Variants in BBIP1 observed in about 807,000 individuals in gnomAD.
The protein encoded by BBIP1 is BBSome interacting protein 1, also known as BBSome-interacting protein 1.
Under a neutral mutation model 8.9 loss-of-function variants are expected in BBIP1, and 6 were observed. The observed-to-expected ratio is 0.67, with a 90% confidence interval of 0.37 to 1.33. The LOEUF (loss-of-function observed/expected upper bound fraction) is 1.33. Among genes scored for constraint, BBIP1 ranks in the 40% most tolerant of loss-of-function variants. The pLI is 0.02. For synonymous variants in BBIP1, 32 were observed against 33.4 expected (o/e 0.96, Z 0.14); for missense variants, 111 against 109.2 (o/e 1.02, Z -0.07).
In BBIP1 at chr10:110,900,253, C is replaced by G. The variant is rs1198595585; in HGVS notation, c.*107G>C. 1 of 1,055,042 alleles carries G rather than the reference C, an allele frequency of 9.5e-7. No individual in the cohort carries two copies. The highest frequency in any genetic ancestry group is 1.3e-6 in the Non-Finnish European group (1 of 768,670). The allele number at this position is 1,055,042 out of a possible 1,614,324, so 65.4% of individuals were successfully genotyped here. A position where few individuals can be genotyped will look rare whatever the true frequency, so the allele number is the denominator to read the frequency against. ...ATTTTTGTATTTCTATGAATACTAT[C>G]AATTTTATTGATAACACATACTACT... On this transcript the variant is annotated 3_prime_UTR_variant, in exon 4 of 4. Transcript: ENST00000448814.
intron 2 of BBIP1, chr10:110,901,816 G>A (rs1342648057): frequency 1.8e-6 from 1 of 549,256 alleles, no homozygotes; most frequent in Non-Finnish European, 3.3e-6. Context: ...TTAGTCAGTT[G>A]TGGTGTTAAC....
chr10:110,904,346 A>C (rs757044171), intron 2 of BBIP1: 2 of 152,228 alleles, frequency 1.3e-5, no homozygotes, highest in Non-Finnish European at 1.5e-5. Context: ...TAAGGAGAGA[A>C]ACAACAGCAT....
intron 2 of BBIP1, chr10:110,905,022 C>G (rs1368348679): frequency 6.6e-6 from 1 of 152,144 alleles, no homozygotes; most frequent in East Asian, 1.9e-4. Context: ...TACACAGATT[C>G]TAAAGTTTGT....
intron 3 of BBIP1, chr10:110,901,037 G>A (rs764576145): frequency 6.5e-5 from 26 of 397,712 alleles, no homozygotes; most frequent in Admixed American, 1.2e-4. Flanking sequence ...TGTTATCCCA[G>A]CACTTTGGGA....
At chr10:110,908,493 T>C (rs1323511916) in intron 2 of BBIP1, among the ~76,000 whole-genome samples, 2 of 152,242 alleles carry the variant, frequency 1.3e-5, no homozygotes, top group African/African-American at 2.4e-5. Flanking sequence ...AGTCATCTTA[T>C]ATTGAAATTT....
chr10:110,917,732 T>C (rs990838553), intron 2 of BBIP1, among the ~76,000 whole-genome samples: 3 of 152,338 alleles, frequency 2.0e-5, no homozygotes, highest in East Asian at 1.9e-4. Flanking sequence ...ACCAAAATAA[T>C]ATCATGTGCA....
chr10:110,915,841 C>G (rs899889933), intron 2 of BBIP1, among the ~76,000 whole-genome samples: 5 of 152,118 alleles, frequency 3.3e-5, no homozygotes, highest in Non-Finnish European at 7.4e-5. Context: ...GTAGCTGGGA[C>G]TACAGGTGTG....
intron 2 of BBIP1, chr10:110,907,537 A>C (rs1846174975): frequency 4.1e-6 from 2 of 492,942 alleles, no homozygotes; most frequent in African/African-American, 4.0e-5. Context: ...AAAAGAAAAG[A>C]AAAGAAAGAA....
intron 2 of BBIP1, among the ~76,000 whole-genome samples, chr10:110,909,288 C>A (rs1301216934): frequency 6.6e-6 from 1 of 152,104 alleles, no homozygotes; most frequent in African/African-American, 2.4e-5. Context: ...ACCCCCACCT[C>A]CTGGGTTCAA....
rs1382892518 is a variant in BBIP1, at chr10:110,900,403, T to C, written c.236A>G (p.Gln79Arg). 8 of 1,535,616 alleles carry C rather than the reference T, an allele frequency of 5.2e-6. No individual in the cohort carries two copies. Among genetic ancestry groups the C allele is most frequent in the Middle Eastern group, 1.7e-4 (1 of 5,784 alleles). ...TTGATCCTTTTCTGCCATTTCTTGT[T>C]GGCGAATTGTATTCTGTGCTGCTTG... Reference protein sequence around the residue: ...MHQAAQNTIRQQEMAEKDQRQ... With the variant: ...MHQAAQNTIRRQEMAEKDQRQ... Residue 79 changes from glutamine to arginine, a missense_variant, in exon 4 of 4, where the codon CAA becomes CGA. Transcript: ENST00000448814.
intron 2 of BBIP1, among the ~76,000 whole-genome samples, chr10:110,909,965 A>T (rs1033615851): frequency 6.6e-6 from 1 of 152,228 alleles, no homozygotes; most frequent in Non-Finnish European, 1.5e-5. Context: ...GGTAAAAACC[A>T]GTTTCTTTCT....
chr10:110,918,163 C>T lies in BBIP1; in HGVS notation c.-6G>A, dbSNP rs745991843. The T allele has an allele frequency of 3.8e-5, 58 of 1,535,452 alleles. No homozygotes were observed. The South Asian group carries it at 6.7e-4, about 18-fold the overall frequency. On this transcript the variant is annotated 5_prime_UTR_variant, in exon 2 of 4. Coordinates refer to ENST00000448814, the MANE Select transcript of BBIP1 (RefSeq NM_001195305.3). ...TTTGCTGCAGCTTTAAGCATCCAACCCGGTATTACCAAGATGACTTAGAGT... is the reference window on the plus strand; with the variant it reads ...TTTGCTGCAGCTTTAAGCATCCAACTCGGTATTACCAAGATGACTTAGAGT...
rs1233923377 is a variant in BBIP1 at position 110,899,397 on chromosome 10, A to ATTGT, written c.*959_*962dup. The stretch of plus-strand genomic sequence containing the variant: ...TATAGTTACCATTTTTAGGTTTTTA[A>ATTGT]TTGTTTGACACTTGGATGATAAATG... On this transcript the variant is annotated 3_prime_UTR_variant, in exon 4 of 4. Coordinates refer to ENST00000448814, the MANE Select transcript of BBIP1 (RefSeq NM_001195305.3). 1 of 152,166 alleles carries ATTGT rather than the reference A, an allele frequency of 6.6e-6. No homozygotes were observed. Among genetic ancestry groups the ATTGT allele is most frequent in the Non-Finnish European group, 1.5e-5 (1 of 68,006 alleles). 9.4% of individuals were successfully genotyped at this position (152,166 alleles called of 1,614,324 possible). A position where few individuals can be genotyped will look rare whatever the true frequency, so the allele number is the denominator to read the frequency against.
intron 2 of BBIP1, chr10:110,911,130 T>C (rs1349413778): frequency 6.6e-6 from 1 of 152,196 alleles, no homozygotes; most frequent in African/African-American, 2.4e-5. Context: ...AAACCCTGCA[T>C]GAGAGCTCAA....
intron 3 of BBIP1, 127 bp from the exon 4 acceptor site, chr10:110,900,653 T>A (rs1246319933): frequency 1.3e-6 from 1 of 764,552 alleles, no homozygotes. Flanking sequence ...GTACCTAAAT[T>A]GAGTTTTGCT....
At chr10:110,909,299 G>A (rs1407399581) in intron 2 of BBIP1, among the ~76,000 whole-genome samples, 3 of 152,044 alleles carry the variant, frequency 2.0e-5, no homozygotes, top group Non-Finnish European at 4.4e-5. Context: ...CTGGGTTCAA[G>A]CGATTCCCCA....
At chr10:110,914,741 A>G (rs77284515) in intron 2 of BBIP1, among the ~76,000 whole-genome samples, 6,517 of 152,290 alleles carry the variant, frequency 0.043, 181 homozygotes, top group East Asian at 0.1. Context: ...TGTGGTGTCT[A>G]GCTTCTGAAA....
chr10:110,904,572 A>G (rs1317937056), intron 2 of BBIP1: 2 of 152,244 alleles, frequency 1.3e-5, no homozygotes, highest in Non-Finnish European at 2.9e-5. Flanking sequence ...TAGGGACGGT[A>G]TAGGGAAATT....
At chr10:110,901,689 G>C in intron 2 of BBIP1, 77 bp from the exon 3 acceptor site, 1 of 1,169,408 alleles carries the variant, frequency 8.6e-7, no homozygotes, top group Non-Finnish European at 1.2e-6. Context: ...TGTAGTTTAA[G>C]AAGTAAAATC....
Sources: allele counts gnomAD v4.1 joint callset (sites outside exome capture counted in the v4.1 genomes callset), GRCh38; gene constraint gnomAD v4.1.1; transcripts MANE v1.5; gene names NCBI Gene and HGNC (gene_info 2026-07-23, HGNC 2026-07-21).